Variants in NCR1 observed in about 807,000 individuals in gnomAD.
The protein encoded by NCR1 is natural cytotoxicity triggering receptor 1, also known as NK cell-activating receptor.
NCR1 carries 30 observed loss-of-function variants against 32.5 expected under a neutral mutation model. The observed-to-expected ratio is 0.92, with a 90% CI of 0.69 to 1.25. NCR1 has a LOEUF of 1.25. Among genes scored for constraint, NCR1 ranks in the 50% most tolerant of loss-of-function variants. The pLI is 0.00. For synonymous variants in NCR1, 169 were observed against 143.4 expected, an observed-to-expected ratio of 1.18 and a Z score of -1.28; for missense variants, 369 against 380.7, an observed-to-expected ratio of 0.97 and a Z score of 0.26.
rs587613075 is a variant in NCR1 at position 54,909,232 on chromosome 19, C to G, written c.356-13C>G. On this transcript the variant is annotated splice_polypyrimidine_tract_variant and intron_variant, in intron 3 of 6. Coordinates refer to ENST00000291890, the MANE Select transcript of NCR1 (RefSeq NM_004829.7). ...CTGAGTTTCTGGTGTGGTGGCCCCA[C>G]CTTCTCTCATAGAAATGTATGACAC... 2.2e-5 allele frequency: 35 copies of G among 1,600,492 alleles called. No homozygotes were observed. The Admixed American group carries it at 2.5e-4, about 11-fold the overall frequency.
upstream of NCR1, among the ~76,000 whole-genome samples, chr19:54,903,507 C>G (rs181695110): frequency 1.5e-3 from 208 of 134,364 alleles, 4 homozygotes; most frequent in African/African-American, 5.3e-3. Flanking sequence ...TGTATGTATA[C>G]ACGCATACAT....
the NCR1 span, chr19:54,934,612 T>G: frequency 6.2e-7 from 1 of 1,614,006 alleles, no homozygotes; most frequent in Non-Finnish European, 8.5e-7. This position sits in a 1 kb window ranked among gnomAD's most constrained non-coding sequence, Gnocchi z 6.7. Context: ...TTTGAGGACA[T>G]AGAAGAATTC....
At chr19:54,902,847 G>A (rs920916700), upstream of NCR1, among the ~76,000 whole-genome samples, 9 of 152,050 alleles carry the variant, frequency 5.9e-5, no homozygotes, top group Non-Finnish European at 1.2e-4. Flanking sequence ...AGAAGGAGGC[G>A]GGCTGGGTGT....
At chr19:54,937,998 T>C in the NCR1 span, 5 of 1,423,900 alleles carry the variant, frequency 3.5e-6, no homozygotes, top group Non-Finnish European at 5.0e-6. Context: ...TACAAGAAGC[T>C]TAGTCATCGT....
chr19:54,904,797 G>C (rs1009111404), upstream of NCR1, among the ~76,000 whole-genome samples: 8 of 152,182 alleles, frequency 5.3e-5, no homozygotes, highest in Non-Finnish European at 1.2e-4. Context: ...CTCCCAAAGT[G>C]CTGGGATGAC....
the NCR1 span, among the ~76,000 whole-genome samples, chr19:54,926,227 T>TGTGTGC: frequency 4.1e-3 from 625 of 150,824 alleles, 12 homozygotes; most frequent in East Asian, 9.1e-3. Flanking sequence ...TGTGTGTGTG[T>TGTGTGC]GCTCATGCAC....
At chr19:54,922,905 CAGACACAG>C in the NCR1 span, among the ~76,000 whole-genome samples, 1 of 149,632 alleles carries the variant, frequency 6.7e-6, no homozygotes, top group African/African-American at 2.5e-5. Context: ...CACACAGAAA[CAGACACAG>C]AGACAGAGAG....
At chr19:54,925,123 C>A in the NCR1 span, among the ~76,000 whole-genome samples, 2 of 152,004 alleles carry the variant, frequency 1.3e-5, no homozygotes, top group African/African-American at 4.8e-5. Flanking sequence ...CCAGGCTGGT[C>A]TCAAACTCCT....
rs766273248 is a variant in NCR1 at position 54,912,728 on chromosome 19, C to T, written c.772C>T (p.Arg258Trp). The T allele has an allele frequency of 3.7e-6, 6 of 1,612,678 alleles. No homozygotes were observed. Among genetic ancestry groups the T allele is most frequent in the Middle Eastern group, 1.6e-4 (1 of 6,074 alleles). ...GGATCACACTGCCCAGAATCTCCTT[C>T]GGATGGGCCTGGCCTTTCTAGTCCT... ...LWDHTAQNLL[R>W]MGLAFLVLVA... The change falls in exon 7 of 7, where the codon CGG becomes TGG. Residue 258 changes from arginine (R) to tryptophan (W), a missense_variant. Physicochemically the swap from Arg to Trp is moderately radical, Grantham distance 101 (BLOSUM62 -3). Transcript: ENST00000291890.
the NCR1 span, among the ~76,000 whole-genome samples, chr19:54,898,383 G>A: frequency 6.6e-6 from 1 of 152,198 alleles, no homozygotes; most frequent in Non-Finnish European, 1.5e-5. Context: ...GGAACCCCTG[G>A]CAGCTGCGGT....
At chr19:54,921,014 A>G (rs900118673), downstream of NCR1, among the ~76,000 whole-genome samples, 1 of 152,232 alleles carries the variant, frequency 6.6e-6, no homozygotes, top group Non-Finnish European at 1.5e-5. Flanking sequence ...TACTATCTTA[A>G]ACAAAATCAA....
At chr19:54,914,484 A>G (rs1386977143), downstream of NCR1, among the ~76,000 whole-genome samples, 1 of 151,960 alleles carries the variant, frequency 6.6e-6, no homozygotes, top group Non-Finnish European at 1.5e-5. Context: ...GATTATAGGC[A>G]TGCACCACCA....
chr19:54,936,436 G>C, the NCR1 span: 2 of 1,612,942 alleles, frequency 1.2e-6, no homozygotes, highest in African/African-American at 2.7e-5. Flanking sequence ...TTAATCCTAG[G>C]GAAAAGCAGA....
upstream of NCR1, among the ~76,000 whole-genome samples, chr19:54,903,337 TATATACATATATGCATATATACATAC>T (rs2067341260): frequency 8.1e-6 from 1 of 123,298 alleles, no homozygotes; most frequent in Admixed American, 8.8e-5. Context: ...TACATGTATG[TATATACATATATGCATATATACATAC>T]ATGTATATAT....
chr19:54,936,674 T>C, the NCR1 span, among the ~76,000 whole-genome samples: 1 of 151,496 alleles, frequency 6.6e-6, no homozygotes, highest in African/African-American at 2.4e-5. Context: ...ATAAATTAGC[T>C]GGGGCCGAGG....
chr19:54,920,190 C>T (rs1297105532), downstream of NCR1, among the ~76,000 whole-genome samples: 1 of 152,158 alleles, frequency 6.6e-6, no homozygotes, highest in South Asian at 2.1e-4. Context: ...ATGGGCACTT[C>T]GGTTGGTTCC....
the NCR1 span, among the ~76,000 whole-genome samples, chr19:54,922,576 G>A: frequency 8.3e-3 from 1,258 of 151,952 alleles, 20 homozygotes; most frequent in African/African-American, 0.028. Flanking sequence ...TCAGGAGTCC[G>A]AGAACAGCCT....
downstream of NCR1, among the ~76,000 whole-genome samples, chr19:54,916,888 A>G (rs141918727): frequency 2.6e-5 from 4 of 151,466 alleles, no homozygotes; most frequent in African/African-American, 9.7e-5. Flanking sequence ...TCCCTAAGAC[A>G]TAACCCACAC....
At chr19:54,901,360 CAAAAAAAAA>C (rs80189325), upstream of NCR1, among the ~76,000 whole-genome samples, 6 of 91,180 alleles carry the variant, frequency 6.6e-5, no homozygotes, top group Admixed American at 2.5e-4. Flanking sequence ...GAGTCCATCT[CAAAAAAAAA>C]AAAAAAAAAA....
Sources: allele counts gnomAD v4.1 joint callset (sites outside exome capture counted in the v4.1 genomes callset), GRCh38; gene constraint gnomAD v4.1.1; non-coding constraint Gnocchi (gnomAD v3.1); transcripts MANE v1.5; gene names NCBI Gene and HGNC (gene_info 2026-07-23, HGNC 2026-07-21).